The following NDUFAB1 variants were observed in gnomAD, a reference collection of about 807,000 sequenced individuals.
The protein encoded by NDUFAB1 is acyl carrier protein, mitochondrial.
In NDUFAB1, 5 loss-of-function variants were observed where a neutral mutation model predicts 16.1. That is an observed-to-expected ratio of 0.31 (90% CI 0.16 to 0.65). The LOEUF (loss-of-function observed/expected upper bound fraction) is 0.65, where lower values mean the gene tolerates loss of function less well. Ranked by LOEUF, NDUFAB1 falls within the 30% of genes least tolerant of loss-of-function variation. The pLI is 0.77. For missense variants in NDUFAB1, 187 were observed against 205.3 expected (o/e 0.91, Z 0.54); for synonymous variants, 85 against 78.4 (o/e 1.08, Z -0.44).
In NDUFAB1 at chr16:23,587,218, A is replaced by G; in HGVS notation, c.270T>C (p.Tyr90=). 4 of 1,613,960 alleles carry G rather than the reference A, an allele frequency of 2.5e-6. No homozygotes were observed. In the South Asian group the frequency reaches 3.3e-5, roughly 13 times the overall value. ...TTACCTTCTCTGGGTCAATCTTGTC[A>G]TAGAGTTTCAATACGTAAAGAACAC... ...QDRVLYVLKL[Y]DKIDPEKLSV... The change falls in exon 2 of 5, where the codon TAT becomes TAC. Residue 90 remains tyrosine (Y), a synonymous_variant. Transcript: ENST00000007516.
At chr16:23,587,377 T>G in intron 1 of NDUFAB1, 58 bp from the exon 2 acceptor site, 3 of 1,589,004 alleles carry the variant, frequency 1.9e-6, no homozygotes, top group East Asian at 2.3e-5. Flanking sequence ...TCTAAATCAA[T>G]GCACAAGCCT....
At chr16:23,594,522 T>G (rs1424268437) in intron 1 of NDUFAB1, among the ~76,000 whole-genome samples, 1 of 149,996 alleles carries the variant, frequency 6.7e-6, no homozygotes, top group Non-Finnish European at 1.5e-5. Context: ...CCGGATAATT[T>G]TTTGTATGTT....
intron 3 of NDUFAB1, among the ~76,000 whole-genome samples, chr16:23,583,966 C>T (rs1329789588): frequency 6.6e-6 from 1 of 151,088 alleles, no homozygotes; most frequent in Non-Finnish European, 1.5e-5. Context: ...ACCCCCAACC[C>T]GGTGCTCTCT....
At chr16:23,582,450 T>C in intron 3 of NDUFAB1, 75 bp from the exon 4 acceptor site, 1 of 1,407,190 alleles carries the variant, frequency 7.1e-7, no homozygotes, top group East Asian at 2.7e-5. Context: ...ACCTGACCCT[T>C]CTACAACAGC....
At chr16:23,583,626 C>T (rs1325710073) in intron 3 of NDUFAB1, among the ~76,000 whole-genome samples, 6 of 114,392 alleles carry the variant, frequency 5.2e-5, no homozygotes, top group Non-Finnish European at 8.8e-5. Context: ...GCAGCCGCCC[C>T]GTCTGAGAAG....
intron 2 of NDUFAB1, among the ~76,000 whole-genome samples, chr16:23,586,206 G>A (rs1251096845): frequency 3.9e-5 from 6 of 151,952 alleles, no homozygotes; most frequent in South Asian, 2.1e-4. Context: ...GATTACAGGC[G>A]TGAGCCACTG....
intron 3 of NDUFAB1, 131 bp downstream of exon 3, chr16:23,585,205 G>C: frequency 1.5e-6 from 1 of 666,330 alleles, no homozygotes; most frequent in Non-Finnish European, 2.7e-6. Flanking sequence ...GAAGGTGTGT[G>C]TGAAGGGCAG....
At position 23,592,624 on chromosome 16, in the gene NDUFAB1, T is replaced by C. The variant is rs1489024737; in HGVS notation, c.168+3499A>G. Among the ~76,000 whole-genome samples the C allele has an allele frequency of 2.0e-5, 3 of 152,308 alleles. No homozygotes were observed. The East Asian group carries it at 5.8e-4, about 29-fold the overall frequency. On this transcript the variant is annotated intron_variant, in intron 1 of 4. Transcript: ENST00000007516. ...TCTTTGTGCTCCATCTGCTAGACAGTGTAGATTCGGGGCCTACCTGGATCA... is the reference window on the plus strand; with the variant it reads ...TCTTTGTGCTCCATCTGCTAGACAGCGTAGATTCGGGGCCTACCTGGATCA...
chr16:23,586,337 AT>A (rs892086548), intron 2 of NDUFAB1, among the ~76,000 whole-genome samples: 1 of 150,142 alleles, frequency 6.7e-6, no homozygotes, highest in African/African-American at 2.4e-5. Flanking sequence ...AACAGATTCA[AT>A]TTTTTTTCGT....
At chr16:23,587,665 A>G (rs983333240) in intron 1 of NDUFAB1, among the ~76,000 whole-genome samples, 2 of 152,248 alleles carry the variant, frequency 1.3e-5, no homozygotes, top group African/African-American at 4.8e-5. Context: ...TGGCATCTTC[A>G]GCATCCCGAG....
intron 2 of NDUFAB1, 80 bp downstream of exon 2, chr16:23,587,117 G>T: frequency 7.1e-7 from 1 of 1,413,680 alleles, no homozygotes; most frequent in Non-Finnish European, 9.8e-7. Flanking sequence ...TTTTTACTGA[G>T]TATCTTTCCC....
At position 23,590,179 on chromosome 16, in the gene NDUFAB1, C is replaced by T. The variant is rs147689346; in HGVS notation, c.169-2860G>A. Among the ~76,000 whole-genome samples the T allele has an allele frequency of 4.0e-4, 61 of 152,294 alleles. No homozygotes were observed. The East Asian group carries it at 0.011, about 28-fold the overall frequency. ...CCTCAGCAGCTCCAGCAAGTACCTACAAGGGCCAGGTGGGCACCATGTGAT... is the reference window on the plus strand; with the variant it reads ...CCTCAGCAGCTCCAGCAAGTACCTATAAGGGCCAGGTGGGCACCATGTGAT... On this transcript the variant is annotated intron_variant, in intron 1 of 4. Coordinates refer to ENST00000007516, the MANE Select transcript of NDUFAB1 (RefSeq NM_005003.3).
intron 1 of NDUFAB1, among the ~76,000 whole-genome samples, chr16:23,590,638 C>CTATTTCTTTTTTTTTTTTT (rs574003194): frequency 1.5e-5 from 2 of 131,834 alleles, no homozygotes; most frequent in African/African-American, 2.9e-5. Context: ...CCTCTGGTCT[C>CTATTTCTTTTTTTTTTTTT]TTTTTTTTTT....
chr16:23,583,685 C>T (rs1370627567), intron 3 of NDUFAB1, among the ~76,000 whole-genome samples: 1 of 123,886 alleles, frequency 8.1e-6, no homozygotes. Context: ...AGTGAGGAGC[C>T]CCTCTGCCCG....
At chr16:23,593,469 G>A (rs1035815632) in intron 1 of NDUFAB1, among the ~76,000 whole-genome samples, 1 of 152,194 alleles carries the variant, frequency 6.6e-6, no homozygotes, top group African/African-American at 2.4e-5. Context: ...GCTAGCATGA[G>A]TCCTGGCACA....
intron 2 of NDUFAB1, among the ~76,000 whole-genome samples, chr16:23,586,301 CAAAA>C (rs909389273): frequency 6.8e-6 from 1 of 146,690 alleles, no homozygotes; most frequent in Non-Finnish European, 1.5e-5. Flanking sequence ...AAACCCAAAT[CAAAA>C]AAAAAACTGC....
intron 1 of NDUFAB1, 70 bp from the exon 2 acceptor site, chr16:23,587,389 T>C: frequency 1.3e-6 from 2 of 1,567,454 alleles, no homozygotes; most frequent in Non-Finnish European, 1.7e-6. Flanking sequence ...CACAAGCCTA[T>C]AGGTAACTTT....
chr16:23,591,295 T>G (rs767001781), intron 1 of NDUFAB1: 1 of 152,174 alleles, frequency 6.6e-6, no homozygotes, highest in Non-Finnish European at 1.5e-5. Context: ...CTCCCAGACA[T>G]CAGAGAAGGT....
At chr16:23,582,449 T>A (rs1966188227) in intron 3 of NDUFAB1, 74 bp from the exon 4 acceptor site, 1 of 1,413,686 alleles carries the variant, frequency 7.1e-7, no homozygotes, top group Non-Finnish European at 9.2e-7. Context: ...CACCTGACCC[T>A]TCTACAACAG....
Sources: gnomAD v4.1 joint callset for allele counts (sites outside exome capture counted in the v4.1 genomes callset) on GRCh38, gnomAD v4.1.1 for gene constraint, MANE v1.5 for transcripts, NCBI Gene and HGNC (gene_info 2026-07-23, HGNC 2026-07-21) for gene names.